HOOK1: variants seen among roughly 807,000 people sequenced by gnomAD.
The protein encoded by HOOK1 is hook microtubule tethering protein 1, also known as protein Hook homolog 1.
In HOOK1, 60 loss-of-function variants were observed where a neutral mutation model predicts 112.8. The ratio of observed to expected loss-of-function variants is 0.53; its 90% CI spans 0.43 to 0.66. HOOK1 has a LOEUF of 0.66. Ranked by LOEUF, HOOK1 falls within the 30% of genes least tolerant of loss-of-function variation. HOOK1 has a pLI of 0.00. For missense variants in HOOK1, 770 were observed against 856.0 expected (o/e 0.90, Z 1.25); for synonymous variants, 294 against 283.8 (o/e 1.04, Z -0.36).
At chr1:59,821,072 GGTGA>G (rs2098385238) in intron 1 of HOOK1, among the ~76,000 whole-genome samples, 1 of 152,108 alleles carries the variant, frequency 6.6e-6, no homozygotes, top group South Asian at 2.1e-4. Flanking sequence ...CAGTGAAATG[GGTGA>G]GTATGTGTGG....
intron 21 of HOOK1, 98 bp downstream of exon 21, chr1:59,871,208 C>T (rs2102079089): frequency 1.3e-6 from 1 of 749,228 alleles, no homozygotes; most frequent in South Asian, 1.8e-5. Context: ...TATCTTATAC[C>T]ATAAACCAAG....
At chr1:59,847,356 T>G (rs541419730) in intron 10 of HOOK1, among the ~76,000 whole-genome samples, 171 bp downstream of exon 10, 1 of 151,868 alleles carries the variant, frequency 6.6e-6, no homozygotes, top group South Asian at 2.1e-4. Flanking sequence ...TGTTTGGGCT[T>G]GCAGTTCATG....
At position 59,874,122 on chromosome 1, in the gene HOOK1, CAATTTA is replaced by C. The variant is rs1644098412; in HGVS notation, c.*1165_*1170del. On this transcript the variant is annotated 3_prime_UTR_variant, in exon 22 of 22. Coordinates refer to ENST00000371208, the MANE Select transcript of HOOK1 (RefSeq NM_015888.6). ...TATCATAGCCATGAGCCATATATGA[CAATTTA>C]AATTTAATTAATTATAAACTCAGTC... 1 of 151,826 alleles carries C rather than the reference CAATTTA, an allele frequency of 6.6e-6. No individual in the cohort carries two copies. The highest frequency in any genetic ancestry group is 1.5e-5 in the Non-Finnish European group (1 of 67,964). The allele number at this position is 151,826 out of a possible 1,614,324, so 9.4% of individuals were successfully genotyped here.
At chr1:59,845,345 C>T (rs1209849391) in intron 9 of HOOK1, among the ~76,000 whole-genome samples, 1 of 151,950 alleles carries the variant, frequency 6.6e-6, no homozygotes, top group African/African-American at 2.4e-5. Flanking sequence ...AATCTACAGT[C>T]ATTTCATCTA....
At chr1:59,835,619 T>A (rs2098397047) in intron 6 of HOOK1, among the ~76,000 whole-genome samples, 1 of 152,138 alleles carries the variant, frequency 6.6e-6, no homozygotes, top group Non-Finnish European at 1.5e-5. Flanking sequence ...TAAAAGCTGG[T>A]TAATAAATTA....
At chr1:59,857,994 C>T (rs990191867) in intron 12 of HOOK1, among the ~76,000 whole-genome samples, 7 of 152,194 alleles carry the variant, frequency 4.6e-5, no homozygotes, top group Non-Finnish European at 1.0e-4. Context: ...ACTAATACCA[C>T]CTTTGTTATT....
At chr1:59,864,452 G>C (rs756980601) in intron 16 of HOOK1, among the ~76,000 whole-genome samples, 180 bp from the exon 17 acceptor site, 2 of 151,496 alleles carry the variant, frequency 1.3e-5, no homozygotes, top group Non-Finnish European at 2.9e-5. Flanking sequence ...CCTTTTTGAA[G>C]TAAAAAAAGA....
At chr1:59,849,739 G>A (rs554004580) in intron 12 of HOOK1, among the ~76,000 whole-genome samples, 1 of 151,580 alleles carries the variant, frequency 6.6e-6, no homozygotes, top group Non-Finnish European at 1.5e-5. Context: ...CATACACTTG[G>A]TGATTTTTGT....
chr1:59,871,821 T>G (rs988360998), intron 21 of HOOK1, among the ~76,000 whole-genome samples: 2 of 152,206 alleles, frequency 1.3e-5, no homozygotes, highest in Non-Finnish European at 2.9e-5. Context: ...CAGAAAGCAC[T>G]AGTTATTCTT....
intron 5 of HOOK1, among the ~76,000 whole-genome samples, chr1:59,834,744 G>A (rs2098396348): frequency 6.6e-6 from 1 of 151,364 alleles, no homozygotes; most frequent in Non-Finnish European, 1.5e-5. Context: ...ACTTATTTTT[G>A]CTTAATTAAT....
intron 20 of HOOK1, among the ~76,000 whole-genome samples, chr1:59,870,414 A>G (rs1231654572): frequency 1.3e-5 from 2 of 152,220 alleles, no homozygotes; most frequent in Admixed American, 6.5e-5. Flanking sequence ...GTGAGTCTGA[A>G]GAAGGGCATC....
intron 1 of HOOK1, 149 bp from the exon 2 acceptor site, chr1:59,821,709 T>C (rs2098385770): frequency 1.8e-6 from 1 of 564,968 alleles, no homozygotes; most frequent in African/African-American, 2.0e-5. Context: ...CATAGTTCCA[T>C]TTGTTTGTCT....
chr1:59,834,372 A>C (rs1234183278), intron 5 of HOOK1, among the ~76,000 whole-genome samples: 1 of 152,206 alleles, frequency 6.6e-6, no homozygotes, highest in Non-Finnish European at 1.5e-5. Flanking sequence ...AGAAAAATAA[A>C]ACAAAATACA....
Position 59,815,124 on chromosome 1 carries a change from G to A in HOOK1, c.7G>A (p.Glu3Lys). Residue 3 changes from glutamate (E) to lysine (K), a missense_variant, in exon 1 of 22, where the codon GAG becomes AAG. Around this residue, in one of 3 missense-constraint regions of HOOK1, gnomAD observed 655 missense variants for 725.9 expected, o/e 0.90. Coordinates refer to ENST00000371208, the MANE Select transcript of HOOK1 (RefSeq NM_015888.6). The part of the protein sequence containing the change: ME[E>K]TQPPPQPKLP... Reference sequence around the variant, plus strand: ...GTCGACGGCGGCGCCGGCCATGGAGGAGACGCAGCCGCCGCCGCAGCCTAA... The same window carrying A: ...GTCGACGGCGGCGCCGGCCATGGAGAAGACGCAGCCGCCGCCGCAGCCTAA... 1 of 1,541,720 alleles carries A rather than the reference G, an allele frequency of 6.5e-7. No individual in the cohort carries two copies.
At chr1:59,827,731 T>C (rs1432683211) in intron 2 of HOOK1, among the ~76,000 whole-genome samples, 3 of 152,172 alleles carry the variant, frequency 2.0e-5, no homozygotes, top group Non-Finnish European at 4.4e-5. Context: ...AAGCCATTTT[T>C]TTTTTTCTTT....
At chr1:59,872,200 T>C (rs1644065581) in intron 21 of HOOK1, among the ~76,000 whole-genome samples, 1 of 152,228 alleles carries the variant, frequency 6.6e-6, no homozygotes, top group Non-Finnish European at 1.5e-5. Context: ...ACTTCCCTTA[T>C]AAGAAACTCA....
chr1:59,853,871 C>T (rs1019232316), intron 12 of HOOK1, among the ~76,000 whole-genome samples: 1 of 150,590 alleles, frequency 6.6e-6, no homozygotes, highest in Non-Finnish European at 1.5e-5. Flanking sequence ...AACTTTTCCT[C>T]CCCTCTGCTT....
Position 59,876,024 on chromosome 1 carries a change from T to G in HOOK1, c.*3059T>G, listed in dbSNP as rs1304965799. 2.0e-5 allele frequency: 3 copies of G among 152,684 alleles called. No individual in the cohort carries two copies. The highest frequency in any genetic ancestry group is 2.0e-4 in the Admixed American group (3 of 15,290). 9.5% of individuals were successfully genotyped at this position (152,684 alleles called of 1,614,324 possible). ...ACAGTAGTGTCTGTGTTAAGTTCAC[T>G]AAATGTGTATTTAATGAGAAACATT... On this transcript the variant is annotated 3_prime_UTR_variant, in exon 22 of 22. Transcript: ENST00000371208.
chr1:59,850,680 G>T (rs762236483), intron 12 of HOOK1, among the ~76,000 whole-genome samples: 2 of 151,436 alleles, frequency 1.3e-5, no homozygotes, highest in East Asian at 1.9e-4. Flanking sequence ...TACTTTAATG[G>T]TGTATACATG....
Sources: gnomAD v4.1 joint callset for allele counts (sites outside exome capture counted in the v4.1 genomes callset) on GRCh38, gnomAD v4.1.1 for gene constraint, gnomAD v4.1.1 regional missense constraint, MANE v1.5 for transcripts, NCBI Gene and HGNC (gene_info 2026-07-23, HGNC 2026-07-21) for gene names.